Variants in CCNG1 observed in about 807,000 individuals in gnomAD.
CCNG1 encodes cyclin-G1.
CCNG1 carries 13 observed loss-of-function variants against 30.0 expected under a neutral mutation model. The observed-to-expected ratio is 0.43, with a 90% CI of 0.28 to 0.69. CCNG1 has a LOEUF of 0.69. Among genes scored for constraint, CCNG1 ranks in the 30% least tolerant of loss-of-function variants. The pLI is 0.16. For missense variants in CCNG1, 285 were observed against 331.4 expected (o/e 0.86, Z 1.09); for synonymous variants, 110 against 121.5 (o/e 0.91, Z 0.62).
In CCNG1 at chr5:163,443,694, ACTT is replaced by A. The variant is rs760879982; in HGVS notation, c.*27_*29del. Reference sequence around the variant, plus strand: ...AATAGGATTATTACAGCACCAAAAAACTTCTCTGAAGCCTTTCTCCACAACCTT... The same window carrying A: ...AATAGGATTATTACAGCACCAAAAAACTCTGAAGCCTTTCTCCACAACCTT... On this transcript the variant is annotated 3_prime_UTR_variant, in exon 7 of 7. Transcript: ENST00000340828. 23 of 1,530,508 alleles carry A rather than the reference ACTT, an allele frequency of 1.5e-5. No individual in the cohort carries two copies. The highest frequency in any genetic ancestry group is 1.7e-4 in the Middle Eastern group (1 of 5,770). The allele number at this position is 1,530,508 out of a possible 1,614,324, so 94.8% of individuals were successfully genotyped here. A position where few individuals can be genotyped will look rare whatever the true frequency, so the allele number is the denominator to read the frequency against.
Position 163,443,909 on chromosome 5 carries a change from A to T in CCNG1, c.*239A>T, listed in dbSNP as rs1004527203. On this transcript the variant is annotated 3_prime_UTR_variant, in exon 7 of 7. Coordinates refer to ENST00000340828, the MANE Select transcript of CCNG1 (RefSeq NM_004060.4). ...CTAAAAGCCTAAATGTGAAATGCTA[A>T]TGACAAGCCTGAGAAGGTAAACTGT... 4 of 514,908 alleles carry T rather than the reference A, an allele frequency of 7.8e-6. No individual in the cohort carries two copies. Among genetic ancestry groups the T allele is most frequent in the Non-Finnish European group, 1.0e-5 (3 of 292,704 alleles). The allele number at this position is 514,908 out of a possible 1,614,324, so 31.9% of individuals were successfully genotyped here.
At chr5:163,454,491 A>G in the CCNG1 span, among the ~76,000 whole-genome samples, 1 of 152,028 alleles carries the variant, frequency 6.6e-6, no homozygotes, top group Non-Finnish European at 1.5e-5. Context: ...ACAGGCATGT[A>G]CCACCATGCC....
the CCNG1 span, chr5:163,451,173 G>A: frequency 6.6e-6 from 1 of 152,182 alleles, no homozygotes; most frequent in African/African-American, 2.4e-5. Flanking sequence ...TCTATCTGAG[G>A]TGATGAAAAC....
downstream of CCNG1, among the ~76,000 whole-genome samples, chr5:163,445,620 A>ATTT (rs56065634): frequency 0.034 from 3,705 of 107,836 alleles, 330 homozygotes; most frequent in African/African-American, 0.12. Flanking sequence ...CACCCAGCTA[A>ATTT]TTTTTTTTTT....
At chr5:163,438,657 G>A (rs1221670655) in intron 1 of CCNG1, among the ~76,000 whole-genome samples, 3 of 152,216 alleles carry the variant, frequency 2.0e-5, no homozygotes, top group Non-Finnish European at 4.4e-5. Flanking sequence ...GTCTTACGGT[G>A]TTTATTCGTG....
chr5:163,448,813 A>T (rs1002583994), downstream of CCNG1: 1 of 152,234 alleles, frequency 6.6e-6, no homozygotes, highest in Non-Finnish European at 1.5e-5. Flanking sequence ...CTGTTTCAAA[A>T]TTCTGGAATC....
At chr5:163,447,659 T>C (rs1401343874), downstream of CCNG1, 2 of 152,166 alleles carry the variant, frequency 1.3e-5, no homozygotes, top group Non-Finnish European at 2.9e-5. Flanking sequence ...AGAATAAGCA[T>C]TCTTTTCAAG....
downstream of CCNG1, chr5:163,449,099 A>G (rs1270368316): frequency 1.3e-5 from 2 of 152,348 alleles, no homozygotes; most frequent in Admixed American, 1.3e-4. Context: ...GGCAAGAAAA[A>G]TCATAGACTA....
chr5:163,453,973 C>A, the CCNG1 span: 41 of 1,526,408 alleles, frequency 2.7e-5, no homozygotes, highest in African/African-American at 4.7e-4. Flanking sequence ...GCAGTTATTT[C>A]TCAAGGTTTG....
chr5:163,441,992 TTGATA>T, intron 4 of CCNG1, 28 bp downstream of exon 4: 5 of 1,581,366 alleles, frequency 3.2e-6, no homozygotes, highest in Non-Finnish European at 4.3e-6. Flanking sequence ...ATTATGCCTA[TTGATA>T]TGATCTGTTT....
the CCNG1 span, chr5:163,457,113 A>C: frequency 6.5e-7 from 1 of 1,542,096 alleles, no homozygotes; most frequent in Non-Finnish European, 8.7e-7. Flanking sequence ...CACACGCACA[A>C]ATAAATTAGA....
chr5:163,454,059 T>C, the CCNG1 span: 2 of 1,449,660 alleles, frequency 1.4e-6, no homozygotes, highest in Non-Finnish European at 1.9e-6. Flanking sequence ...TTCTAAAAGA[T>C]ACAAACATAT....
downstream of CCNG1, chr5:163,447,892 C>T (rs1758079188): frequency 1.3e-5 from 2 of 152,110 alleles, no homozygotes; most frequent in Non-Finnish European, 2.9e-5. Context: ...GAAAATATCA[C>T]CGTGCTTGGA....
intron 1 of CCNG1, 54 bp downstream of exon 1, chr5:163,437,858 G>A (rs1229416993): frequency 4.6e-5 from 7 of 152,508 alleles, no homozygotes; most frequent in Admixed American, 4.6e-4. Context: ...GAGCTGGGTT[G>A]GGGGCGCGGG....
chr5:163,455,316 A>T, the CCNG1 span, among the ~76,000 whole-genome samples: 1 of 152,242 alleles, frequency 6.6e-6, no homozygotes, highest in Non-Finnish European at 1.5e-5. Context: ...AAGGAACAGC[A>T]AACAGGCCAG....
the CCNG1 span, chr5:163,453,882 G>A: frequency 8.8e-4 from 549 of 626,726 alleles, no homozygotes; most frequent in African/African-American, 6.7e-3. Flanking sequence ...GTAGGCATCC[G>A]CATTTTTCTT....
chr5:163,454,354 T>C, the CCNG1 span, among the ~76,000 whole-genome samples: 1 of 152,212 alleles, frequency 6.6e-6, no homozygotes, highest in African/African-American at 2.4e-5. Context: ...ATTATTATTT[T>C]TTTTGAGACG....
In CCNG1 at chr5:163,441,146, G is replaced by T. The variant is rs1256732431; in HGVS notation, c.333G>T (p.Glu111Asp). The change falls in exon 3 of 7, where the codon GAG becomes GAT. Residue 111 changes from glutamate (E) to aspartate (D), a missense_variant. By Grantham distance (45) the Glu-to-Asp change is conservative. Coordinates refer to ENST00000340828, the MANE Select transcript of CCNG1 (RefSeq NM_004060.4). ...CFYLAVKSIEEERNVPLATDL... is the reference protein window; with the variant it reads ...CFYLAVKSIEDERNVPLATDL... Reference sequence around the variant, plus strand: ...ATTTGGCTGTAAAATCAATAGAAGAGGAAAGGAATGTCCCATTGGCAACTG... The same window carrying T: ...ATTTGGCTGTAAAATCAATAGAAGATGAAAGGAATGTCCCATTGGCAACTG... The T allele has an allele frequency of 2.5e-6, 4 of 1,613,790 alleles. No individual in the cohort carries two copies. The African/African-American group carries it at 5.3e-5, about 22-fold the overall frequency.
the CCNG1 span, chr5:163,453,281 A>G: frequency 6.6e-6 from 1 of 152,202 alleles, no homozygotes; most frequent in Admixed American, 6.5e-5. Flanking sequence ...TACAATCAAA[A>G]TGATGCCACT....
Sources: allele counts gnomAD v4.1 joint callset (sites outside exome capture counted in the v4.1 genomes callset), GRCh38; gene constraint gnomAD v4.1.1; transcripts MANE v1.5; gene names NCBI Gene and HGNC (gene_info 2026-07-23, HGNC 2026-07-21).